Variants in LIN7A observed in about 807,000 individuals in gnomAD.
LIN7A encodes protein lin-7 homolog A.
LIN7A carries 25 observed loss-of-function variants against 29.8 expected under a neutral mutation model. That is an observed-to-expected ratio of 0.84 (90% CI 0.61 to 1.17). The LOEUF (loss-of-function observed/expected upper bound fraction) is 1.17, where lower values mean the gene tolerates loss of function less well. Ranked by LOEUF, LIN7A falls within the 50% of genes most tolerant of loss-of-function variation. The pLI is 0.00. For synonymous variants in LIN7A, 118 were observed against 107.5 expected (o/e 1.10, Z -0.60); for missense variants, 239 against 287.0 (o/e 0.83, Z 1.21).
intron 4 of LIN7A, among the ~76,000 whole-genome samples, chr12:80,827,429 C>T (rs1032670471): frequency 5.9e-5 from 9 of 152,022 alleles, no homozygotes; most frequent in Admixed American, 4.6e-4. Flanking sequence ...TCACAGAAGT[C>T]ATTTAGGTTT....
intron 1 of LIN7A, among the ~76,000 whole-genome samples, chr12:80,909,169 A>AT (rs1565925043): frequency 6.6e-6 from 1 of 152,008 alleles, no homozygotes; most frequent in Admixed American, 6.6e-5. Context: ...TTGAGGTTCA[A>AT]TTTTTTGCAT....
intron 1 of LIN7A, among the ~76,000 whole-genome samples, chr12:80,891,269 G>A (rs995840461): frequency 4.6e-5 from 7 of 152,070 alleles, no homozygotes; most frequent in African/African-American, 1.7e-4. Flanking sequence ...ATTATCCTGA[G>A]TGGTAAACCT....
At chr12:80,921,546 A>G (rs4261347) in intron 1 of LIN7A, among the ~76,000 whole-genome samples, 43,317 of 144,090 alleles carry the variant, frequency 0.3, 8,673 homozygotes, top group African/African-American at 0.57. Context: ...AAGTGAGCAC[A>G]AAGGCGTTGG....
chr12:80,801,099 C>A (rs1229979208), intron 5 of LIN7A, among the ~76,000 whole-genome samples: 10 of 150,556 alleles, frequency 6.6e-5, no homozygotes, highest in Admixed American at 6.6e-4. Flanking sequence ...TATAAACATA[C>A]ATATATAGAA....
intron 4 of LIN7A, among the ~76,000 whole-genome samples, chr12:80,832,165 G>A (rs141623714): frequency 1.3e-5 from 2 of 152,294 alleles, no homozygotes; most frequent in African/African-American, 4.8e-5. Flanking sequence ...CAAAGCTAAA[G>A]CTAAGGCAAT....
At chr12:80,882,053 A>T (rs1178773) in intron 2 of LIN7A, among the ~76,000 whole-genome samples, 1 of 151,728 alleles carries the variant, frequency 6.6e-6, no homozygotes, top group African/African-American at 2.4e-5. Flanking sequence ...TTTTTCTACA[A>T]CCACTACAAT....
chr12:80,860,656 A>C (rs1565905001), intron 2 of LIN7A, among the ~76,000 whole-genome samples: 2 of 152,214 alleles, frequency 1.3e-5, no homozygotes, highest in African/African-American at 4.8e-5. Flanking sequence ...AACAGGATAA[A>C]CTACATCATT....
intron 1 of LIN7A, among the ~76,000 whole-genome samples, chr12:80,903,853 T>G (rs1876345946): frequency 6.6e-6 from 1 of 152,114 alleles, no homozygotes. Context: ...CAACATCTGT[T>G]ATATTTATTG....
intron 4 of LIN7A, among the ~76,000 whole-genome samples, chr12:80,828,132 G>A (rs954159138): frequency 2.0e-5 from 3 of 152,080 alleles, no homozygotes; most frequent in African/African-American, 7.2e-5. Context: ...ATAAAACATA[G>A]AAGTATAAAT....
At chr12:80,926,886 C>CCA (rs1877610344) in intron 1 of LIN7A, among the ~76,000 whole-genome samples, 1 of 143,346 alleles carries the variant, frequency 7.0e-6, no homozygotes, top group Admixed American at 7.2e-5. Context: ...CGAGATCGCA[C>CCA]CACAGCACTC....
In LIN7A at chr12:80,807,302, C is replaced by A. The variant is rs551413680; in HGVS notation, c.*4163G>T. On this transcript the variant is annotated intron_variant, in intron 5 of 5. Coordinates refer to ENST00000552864, the MANE Select transcript of LIN7A (RefSeq NM_004664.4). Reference sequence around the variant, plus strand: ...AGCCAGGATGGTCTCGATCTCCTGACCTTGTGATCCACCTGCCTTGGCCTC... The same window carrying A: ...AGCCAGGATGGTCTCGATCTCCTGAACTTGTGATCCACCTGCCTTGGCCTC... Among the ~76,000 whole-genome samples, 8 of 152,052 alleles carry A rather than the reference C, an allele frequency of 5.3e-5. No individual in the cohort carries two copies. The South Asian group carries it at 1.7e-3, about 32-fold the overall frequency.
intron 1 of LIN7A, among the ~76,000 whole-genome samples, chr12:80,923,744 C>A (rs774196966): frequency 2.0e-5 from 3 of 152,194 alleles, no homozygotes; most frequent in Non-Finnish European, 2.9e-5. Context: ...GCTATAGATT[C>A]TATTACTGAC....
intron 5 of LIN7A, among the ~76,000 whole-genome samples, chr12:80,805,788 T>C (rs1489348311): frequency 6.6e-6 from 1 of 151,936 alleles, no homozygotes; most frequent in Non-Finnish European, 1.5e-5. Context: ...GGGGAGGTAA[T>C]TGAATCATGG....
chr12:80,915,416 C>T (rs1876983024), intron 1 of LIN7A, among the ~76,000 whole-genome samples: 1 of 152,166 alleles, frequency 6.6e-6, no homozygotes, highest in South Asian at 2.1e-4. Context: ...CATTTATACA[C>T]TGTTGGTGGA....
At chr12:80,927,710 C>T (rs1419766670) in intron 1 of LIN7A, among the ~76,000 whole-genome samples, 3 of 152,134 alleles carry the variant, frequency 2.0e-5, no homozygotes, top group Admixed American at 1.3e-4. Context: ...TGTTTTTCAT[C>T]ATTTTTTTAA....
intron 2 of LIN7A, among the ~76,000 whole-genome samples, chr12:80,866,553 G>T (rs1271202182): frequency 1.3e-5 from 2 of 152,062 alleles, no homozygotes; most frequent in East Asian, 3.9e-4. Flanking sequence ...TCCAAATGTT[G>T]CTGCATAATG....
chr12:80,806,253 C>T (rs181062998), intron 5 of LIN7A, among the ~76,000 whole-genome samples: 6 of 151,974 alleles, frequency 3.9e-5, no homozygotes, highest in Admixed American at 2.6e-4. Context: ...GGGTATAGCA[C>T]GAATAAAACC....
At chr12:80,869,973 G>A (rs1874346746) in intron 2 of LIN7A, among the ~76,000 whole-genome samples, 1 of 152,132 alleles carries the variant, frequency 6.6e-6, no homozygotes, top group Non-Finnish European at 1.5e-5. Flanking sequence ...CTAGCCAGAT[G>A]TTTTAAAGGA....
rs1871294992 is a variant in LIN7A at position 80,811,588 on chromosome 12, C to G, written c.579G>C (p.Leu193=). ...KLVVRYTPKV[L]EEMEARFEKL... is the part of the protein sequence containing the mutation. ...TTTCAAAGCGAGCCTCCATTTCTTCCAGAACTTTTGGGGTGTATCGCACCA... is the reference window on the plus strand; with the variant it reads ...TTTCAAAGCGAGCCTCCATTTCTTCGAGAACTTTTGGGGTGTATCGCACCA... The change falls in exon 5 of 6, where the codon CTG becomes CTC. Residue 193 remains leucine, a synonymous_variant. Transcript: ENST00000552864. The G allele has an allele frequency of 6.2e-7, 1 of 1,613,816 alleles. No homozygotes were observed. Among genetic ancestry groups the G allele is most frequent in the South Asian group, 1.1e-5 (1 of 91,056 alleles).
Sources: allele counts gnomAD v4.1 joint callset (sites outside exome capture counted in the v4.1 genomes callset), GRCh38; gene constraint gnomAD v4.1.1; transcripts MANE v1.5; gene names NCBI Gene and HGNC (gene_info 2026-07-23, HGNC 2026-07-21).